PSAT1: variants seen among roughly 807,000 people sequenced by gnomAD.
PSAT1 encodes phosphoserine aminotransferase.
Under a neutral mutation model 40.3 loss-of-function variants are expected in PSAT1, and 41 were observed. That is an observed-to-expected ratio of 1.02 (90% CI 0.79 to 1.32). The LOEUF (loss-of-function observed/expected upper bound fraction) is 1.32. Among genes scored for constraint, PSAT1 ranks in the 40% most tolerant of loss-of-function variants. The pLI is 0.00. For missense variants in PSAT1, 406 were observed against 455.8 expected (o/e 0.89, Z 0.99); for synonymous variants, 147 against 170.5 (o/e 0.86, Z 1.07).
chr9:78,323,432 T>C (rs1419224718), intron 7 of PSAT1, among the ~76,000 whole-genome samples: 1 of 151,828 alleles, frequency 6.6e-6, no homozygotes, highest in African/African-American at 2.4e-5. Context: ...AATAAAAAAT[T>C]AGCCGGGTGT....
At chr9:78,311,002 C>A (rs1428612218) in intron 6 of PSAT1, among the ~76,000 whole-genome samples, 1 of 152,344 alleles carries the variant, frequency 6.6e-6, no homozygotes, top group East Asian at 1.9e-4. Context: ...CTCCCACTTT[C>A]CTCAGGGGAG....
intron 7 of PSAT1, among the ~76,000 whole-genome samples, chr9:78,319,597 C>T (rs540901748): frequency 3.3e-5 from 5 of 152,286 alleles, no homozygotes; most frequent in Non-Finnish European, 5.9e-5. Flanking sequence ...TTAAAGTGCA[C>T]GATCAGCAGT....
At chr9:78,327,278 A>G (rs950347912) in intron 7 of PSAT1, among the ~76,000 whole-genome samples, 37 of 151,978 alleles carry the variant, frequency 2.4e-4, no homozygotes, top group African/African-American at 8.5e-4. Context: ...CAATATTTTA[A>G]GAGAGCGGGA....
At chr9:78,308,706 A>C in intron 6 of PSAT1, 123 bp downstream of exon 6, 5 of 1,180,040 alleles carry the variant, frequency 4.2e-6, no homozygotes, top group Non-Finnish European at 4.7e-6. Context: ...CTGTAATCTT[A>C]GCAATTTGGG....
chr9:78,318,170 C>G (rs1372247837), intron 7 of PSAT1, among the ~76,000 whole-genome samples: 1 of 152,198 alleles, frequency 6.6e-6, no homozygotes, highest in Non-Finnish European at 1.5e-5. Flanking sequence ...AATTTAAGGA[C>G]TCCTGTTAGC....
chr9:78,308,410 T>C lies in PSAT1; in HGVS notation c.571-4T>C, dbSNP rs539694042. 6.2e-7 allele frequency: 1 copy of C among 1,613,142 alleles called. No homozygotes were observed. Among genetic ancestry groups the C allele is most frequent in the African/African-American group, 1.3e-5 (1 of 75,046 alleles). On this transcript the variant is annotated splice_region_variant and splice_polypyrimidine_tract_variant and intron_variant, in intron 5 of 8. Coordinates refer to ENST00000376588, the MANE Select transcript of PSAT1 (RefSeq NM_058179.4). ...CTTAAGCAGCATGTCTTTCTCTTTT[T>C]AAGTTTGGTGTGATTTTTGCTGGTG...
At chr9:78,299,601 C>T (rs954456592) in intron 1 of PSAT1, among the ~76,000 whole-genome samples, 1 of 148,950 alleles carries the variant, frequency 6.7e-6, no homozygotes, top group Non-Finnish European at 1.5e-5. Flanking sequence ...AAACCTCCGC[C>T]TCCCGGGTTC....
intron 3 of PSAT1, among the ~76,000 whole-genome samples, chr9:78,303,166 A>T (rs772033838): frequency 6.6e-6 from 1 of 152,218 alleles, no homozygotes; most frequent in African/African-American, 2.4e-5. Context: ...TATTACATTA[A>T]CAAAATTGGA....
chr9:78,316,383 G>A (rs1217452808), intron 6 of PSAT1, among the ~76,000 whole-genome samples: 1 of 152,172 alleles, frequency 6.6e-6, no homozygotes, highest in Non-Finnish European at 1.5e-5. Flanking sequence ...CTCTCAGCGG[G>A]AATGTTGGCT....
At chr9:78,328,421 A>G (rs750524419) in intron 8 of PSAT1, among the ~76,000 whole-genome samples, 2 of 152,122 alleles carry the variant, frequency 1.3e-5, no homozygotes, top group African/African-American at 2.4e-5. Context: ...TTTTGGCAAA[A>G]TTACCTTTGA....
At chr9:78,326,725 G>A (rs759152422) in intron 7 of PSAT1, among the ~76,000 whole-genome samples, 8 of 151,642 alleles carry the variant, frequency 5.3e-5, no homozygotes, top group African/African-American at 9.7e-5. Flanking sequence ...TCACTTGCTC[G>A]TAGTTTTTTG....
chr9:78,328,741 A>C (rs150893357), intron 8 of PSAT1, among the ~76,000 whole-genome samples: 7 of 152,264 alleles, frequency 4.6e-5, no homozygotes, highest in African/African-American at 1.7e-4. Context: ...TTCTTTGCCA[A>C]GAGTGAATAG....
At chr9:78,326,955 A>ATATATATTTTTTTTT in intron 7 of PSAT1, among the ~76,000 whole-genome samples, 65 of 75,924 alleles carry the variant, frequency 8.6e-4, no homozygotes, top group African/African-American at 5.4e-3. Context: ...ATATATATAT[A>ATATATATTTTTTTTT]TTTTTTTTTT....
At chr9:78,327,940 A>G in intron 7 of PSAT1, 111 bp from the exon 8 acceptor site, 1 of 1,218,884 alleles carries the variant, frequency 8.2e-7, no homozygotes, top group East Asian at 2.5e-5. Context: ...TGTTTTTTAA[A>G]AAATCTTCTG....
At chr9:78,319,464 C>T (rs116771207) in intron 7 of PSAT1, among the ~76,000 whole-genome samples, 10 of 152,240 alleles carry the variant, frequency 6.6e-5, no homozygotes, top group Non-Finnish European at 1.3e-4. Context: ...TGCCTGTTCT[C>T]TGGTTCTGTG....
At chr9:78,314,175 T>C (rs988466062) in intron 6 of PSAT1, among the ~76,000 whole-genome samples, 3 of 151,952 alleles carry the variant, frequency 2.0e-5, no homozygotes, top group African/African-American at 7.3e-5. Flanking sequence ...TTTTAGACGG[T>C]ATGGGAGTTG....
chr9:78,304,619 T>A, intron 3 of PSAT1, 116 bp from the exon 4 acceptor site: 1 of 958,726 alleles, frequency 1.0e-6, no homozygotes, highest in Non-Finnish European at 1.7e-6. Flanking sequence ...ATTGTAACAT[T>A]ACCATATTTC....
At chr9:78,314,173 G>A (rs1014314796) in intron 6 of PSAT1, among the ~76,000 whole-genome samples, 2 of 151,362 alleles carry the variant, frequency 1.3e-5, no homozygotes, top group East Asian at 2.0e-4. Flanking sequence ...GATTTTAGAC[G>A]GTATGGGAGT....
chr9:78,313,525 T>C (rs1468996239), intron 6 of PSAT1, among the ~76,000 whole-genome samples: 1 of 152,238 alleles, frequency 6.6e-6, no homozygotes, highest in African/African-American at 2.4e-5. Flanking sequence ...TATTTAATCA[T>C]GCAAATGGAA....
Sources: allele counts gnomAD v4.1 joint callset (sites outside exome capture counted in the v4.1 genomes callset), GRCh38; gene constraint gnomAD v4.1.1; transcripts MANE v1.5; gene names NCBI Gene and HGNC (gene_info 2026-07-23, HGNC 2026-07-21).